Variants in LACTB2 observed in about 807,000 individuals in gnomAD.
The protein encoded by LACTB2 is endoribonuclease LACTB2.
LACTB2 carries 32 observed loss-of-function variants against 34.8 expected under a neutral mutation model. The ratio of observed to expected loss-of-function variants is 0.92; its 90% CI spans 0.69 to 1.24. The LOEUF (loss-of-function observed/expected upper bound fraction) is 1.24. Among genes scored for constraint, LACTB2 ranks in the 50% most tolerant of loss-of-function variants. The pLI is 0.00. For synonymous variants in LACTB2, 120 were observed against 117.5 expected, an observed-to-expected ratio of 1.02 and a Z score of -0.14; for missense variants, 320 against 345.0, an observed-to-expected ratio of 0.93 and a Z score of 0.57.
chr8:70,650,930 C>G (rs1325417915), intron 3 of LACTB2, among the ~76,000 whole-genome samples: 1 of 151,622 alleles, frequency 6.6e-6, no homozygotes, highest in Non-Finnish European at 1.5e-5. Flanking sequence ...CAAGAATGCT[C>G]CAATATTATA....
chr8:70,650,957 T>C (rs1049695644), intron 3 of LACTB2, among the ~76,000 whole-genome samples: 1 of 151,936 alleles, frequency 6.6e-6, no homozygotes, highest in Non-Finnish European at 1.5e-5. Context: ...CTGAAAATCA[T>C]AGTAAAGATA....
At chr8:70,654,171 A>G (rs188321247) in intron 3 of LACTB2, among the ~76,000 whole-genome samples, 3 of 152,322 alleles carry the variant, frequency 2.0e-5, no homozygotes, top group Admixed American at 1.3e-4. Context: ...TTGCCCAGAA[A>G]GCGTTCTTGA....
At chr8:70,665,363 A>G (rs576613045) in intron 1 of LACTB2, among the ~76,000 whole-genome samples, 3 of 152,318 alleles carry the variant, frequency 2.0e-5, no homozygotes, top group African/African-American at 7.2e-5. Flanking sequence ...ATGGAGAAAA[A>G]AATTTTTAAT....
At chr8:70,644,283 A>C in intron 3 of LACTB2, 40 bp from the exon 4 acceptor site, 2 of 1,363,644 alleles carry the variant, frequency 1.5e-6, no homozygotes, top group Non-Finnish European at 2.0e-6. Context: ...ACAATTATGA[A>C]CTCGAGCTTA....
intron 3 of LACTB2, chr8:70,651,678 T>C (rs1256906338): frequency 2.2e-5 from 3 of 134,628 alleles, no homozygotes; most frequent in African/African-American, 9.1e-5. Flanking sequence ...CAGAAAACAA[T>C]TTGTTTTTCT....
intron 4 of LACTB2, among the ~76,000 whole-genome samples, chr8:70,642,928 T>C (rs991337276): frequency 6.6e-6 from 1 of 152,168 alleles, no homozygotes; most frequent in African/African-American, 2.4e-5. Context: ...TATTTCAATA[T>C]TGTAAATTAA....
At chr8:70,647,924 C>A (rs1472893804) in intron 3 of LACTB2, among the ~76,000 whole-genome samples, 1 of 149,204 alleles carries the variant, frequency 6.7e-6, no homozygotes, top group Non-Finnish European at 1.5e-5. Context: ...AAAACAGAGG[C>A]ATAGATGCAG....
intron 3 of LACTB2, among the ~76,000 whole-genome samples, chr8:70,651,599 CT>C (rs139621660): frequency 0.022 from 3,273 of 152,162 alleles, 91 homozygotes; most frequent in African/African-American, 0.076. Context: ...GCAATGCCTC[CT>C]TCATTATCAG....
chr8:70,661,278 A>G (rs1156355026), intron 2 of LACTB2: 1 of 328,204 alleles, frequency 3.0e-6, no homozygotes, highest in South Asian at 2.4e-5. Flanking sequence ...AGAAAATGTC[A>G]GTACTGTATA....
intron 3 of LACTB2, among the ~76,000 whole-genome samples, chr8:70,654,254 G>A (rs1818381601): frequency 6.6e-6 from 1 of 152,186 alleles, no homozygotes; most frequent in Non-Finnish European, 1.5e-5. Context: ...GTAGTGGAAA[G>A]GGGTGATATA....
intron 3 of LACTB2, among the ~76,000 whole-genome samples, chr8:70,657,222 TA>T (rs1818421280): frequency 1.3e-5 from 2 of 152,312 alleles, no homozygotes; most frequent in Admixed American, 1.3e-4. Context: ...AGACAACACT[TA>T]TTTTTTAAAG....
At chr8:70,667,289 A>G (rs1282877460) in intron 1 of LACTB2, among the ~76,000 whole-genome samples, 1 of 152,240 alleles carries the variant, frequency 6.6e-6, no homozygotes, top group Non-Finnish European at 1.5e-5. Flanking sequence ...GTGATACAAA[A>G]GCCGCTTGTG....
At chr8:70,658,714 G>T (rs1818444156) in intron 2 of LACTB2, among the ~76,000 whole-genome samples, 1 of 152,156 alleles carries the variant, frequency 6.6e-6, no homozygotes, top group African/African-American at 2.4e-5. Flanking sequence ...GGACTTGCAG[G>T]TAAGGGGAAC....
intron 3 of LACTB2, among the ~76,000 whole-genome samples, chr8:70,655,502 G>A (rs2132076828): frequency 6.6e-6 from 1 of 152,232 alleles, no homozygotes; most frequent in South Asian, 2.1e-4. Flanking sequence ...GATTACAGGT[G>A]TGAGCCACCA....
chr8:70,657,956 A>G, intron 2 of LACTB2, 74 bp from the exon 3 acceptor site: 2 of 954,950 alleles, frequency 2.1e-6, no homozygotes, highest in Non-Finnish European at 3.0e-6. Flanking sequence ...ACTTTCATAG[A>G]GCTAACACTT....
At chr8:70,650,268 A>G (rs1818322126) in intron 3 of LACTB2, among the ~76,000 whole-genome samples, 1 of 152,254 alleles carries the variant, frequency 6.6e-6, no homozygotes. Flanking sequence ...GAAAAAGCAT[A>G]AAGTTATTTG....
intron 5 of LACTB2, 131 bp from the exon 6 acceptor site, chr8:70,638,760 G>C (rs901498855): frequency 4.7e-5 from 26 of 557,164 alleles, no homozygotes; most frequent in Non-Finnish European, 5.3e-5. Flanking sequence ...TTTTTTTTTT[G>C]AGACAGAGTC....
Position 70,638,538 on chromosome 8 carries a change from G to C in LACTB2, c.823+10C>G. On this transcript the variant is annotated intron_variant, in intron 6 of 6. Coordinates refer to ENST00000276590, the MANE Select transcript of LACTB2 (RefSeq NM_016027.3). ...GCTGGTAATAGAAGAAAATTTGGAA[G>C]CATACTCACATATTTTTCCTTCTTT... 1 of 1,525,706 alleles carries C rather than the reference G, an allele frequency of 6.6e-7. No homozygotes were observed. The allele number at this position is 1,525,706 out of a possible 1,614,324, so 94.5% of individuals were successfully genotyped here. A position where few individuals can be genotyped will look rare whatever the true frequency, so the allele number is the denominator to read the frequency against.
At chr8:70,641,938 T>C (rs955086994) in intron 4 of LACTB2, among the ~76,000 whole-genome samples, 2 of 152,222 alleles carry the variant, frequency 1.3e-5, no homozygotes, top group African/African-American at 4.8e-5. Flanking sequence ...CTCTCTAAGC[T>C]GTTTCTTCTG....
Sources: gnomAD v4.1 joint callset for allele counts (sites outside exome capture counted in the v4.1 genomes callset) on GRCh38, gnomAD v4.1.1 for gene constraint, MANE v1.5 for transcripts, NCBI Gene and HGNC (gene_info 2026-07-23, HGNC 2026-07-21) for gene names.